Variants in NOL9 observed in about 807,000 individuals in gnomAD.
NOL9 encodes polynucleotide 5'-hydroxyl-kinase NOL9.
In NOL9, 28 loss-of-function variants were observed where a neutral mutation model predicts 67.9. That is an observed-to-expected ratio of 0.41 (90% confidence interval 0.31 to 0.57). The LOEUF (loss-of-function observed/expected upper bound fraction) is 0.57, where lower values mean the gene tolerates loss of function less well. Ranked by LOEUF, NOL9 falls within the 20% of genes least tolerant of loss-of-function variation. The probability of loss-of-function intolerance (pLI) is 0.25; values close to 1 mark genes in which losing one functional copy is unlikely to be tolerated. For missense variants in NOL9, 777 were observed against 897.0 expected (o/e 0.87, Z 1.71); for synonymous variants, 356 against 352.2 (o/e 1.01, Z -0.12).
chr1:6,544,114 T>C (rs956114408), intron 5 of NOL9, among the ~76,000 whole-genome samples: 2 of 151,754 alleles, frequency 1.3e-5, no homozygotes, highest in African/African-American at 4.8e-5. Context: ...TGAGTGAAAC[T>C]CTGTCTCAAA....
At chr1:6,551,240 G>A (rs1639537491) in intron 1 of NOL9, among the ~76,000 whole-genome samples, 1 of 152,076 alleles carries the variant, frequency 6.6e-6, no homozygotes. Flanking sequence ...GAGTCTCGGA[G>A]GTAGAGGCTG....
intron 3 of NOL9, among the ~76,000 whole-genome samples, chr1:6,545,631 G>C (rs1570076660): frequency 1.3e-5 from 2 of 152,208 alleles, no homozygotes; most frequent in African/African-American, 2.4e-5. Flanking sequence ...CCCAAGGAAA[G>C]GAAGAGCAGG....
chr1:6,553,918 G>A (rs1344097452), intron 1 of NOL9, among the ~76,000 whole-genome samples, 189 bp downstream of exon 1: 2 of 152,126 alleles, frequency 1.3e-5, no homozygotes, highest in Non-Finnish European at 2.9e-5. Flanking sequence ...CCCTTAGCAG[G>A]GTACCTGTTA....
At chr1:6,527,639 C>CAA (rs796666090) in intron 10 of NOL9, among the ~76,000 whole-genome samples, 104 of 28,610 alleles carry the variant, frequency 3.6e-3, no homozygotes, top group African/African-American at 7.0e-3. Flanking sequence ...CAAAACAAAA[C>CAA]AAAAAAAAAA....
intron 1 of NOL9, among the ~76,000 whole-genome samples, chr1:6,551,878 C>CA (rs1214920145): frequency 6.6e-6 from 1 of 151,982 alleles, no homozygotes; most frequent in Non-Finnish European, 1.5e-5. Flanking sequence ...AAAAAAAATA[C>CA]AAAAAACTTA....
chr1:6,541,915 A>C lies in NOL9; in HGVS notation c.990T>G (p.Val330=), dbSNP rs375680795. The change falls in exon 6 of 12, where the codon GTT becomes GTG. Residue 330 remains valine (V), a synonymous_variant. Transcript: ENST00000377705. ...GTCCCAGATCACATTCCAAATAGTCAACGCAGGGAAGACTGCAAATTTTTA... is the reference window on the plus strand; with the variant it reads ...GTCCCAGATCACATTCCAAATAGTCCACGCAGGGAAGACTGCAAATTTTTA... ...INHLLNSLPC[V]DYLECDLGQT... The C allele has an allele frequency of 6.3e-7, 1 of 1,592,732 alleles. No homozygotes were observed. Among genetic ancestry groups the C allele is most frequent in the Non-Finnish European group, 8.5e-7 (1 of 1,172,570 alleles).
chr1:6,553,710 C>T (rs1413835976), intron 1 of NOL9, among the ~76,000 whole-genome samples: 1 of 152,002 alleles, frequency 6.6e-6, no homozygotes, highest in African/African-American at 2.4e-5. Flanking sequence ...GGCGAGGTGG[C>T]ACGCGCCTGT....
intron 6 of NOL9, among the ~76,000 whole-genome samples, chr1:6,536,557 G>A (rs962383650): frequency 1.3e-5 from 2 of 151,960 alleles, no homozygotes. Context: ...GCCAGGTGCA[G>A]TGGCTCACAC....
chr1:6,529,033 G>A lies in NOL9; in HGVS notation c.1786C>T (p.Leu596=). 1 of 1,614,136 alleles carries A rather than the reference G, an allele frequency of 6.2e-7. No individual in the cohort carries two copies. Residue 596 remains leucine (L), a synonymous_variant, in exon 10 of 12, where the codon CTG becomes TTG. Transcript: ENST00000377705. ...TCACAGATTGGAGTCTGGGCAAGCA[G>A]GATGGGCCCATTCGTGTATCCTCTG... The part of the protein sequence containing the change: ...DVRGYTNGPI[L]LAQTPICDCL...
chr1:6,537,970 C>T (rs1269672912), intron 6 of NOL9, among the ~76,000 whole-genome samples: 4 of 96,948 alleles, frequency 4.1e-5, no homozygotes, highest in Admixed American at 3.4e-4. Context: ...CCAGCCTGGG[C>T]GACAAAGCAA....
At position 6,526,691 on chromosome 1, in the gene NOL9, C is replaced by A; in HGVS notation, c.1959+5G>T. The A allele has an allele frequency of 6.2e-7, 1 of 1,608,942 alleles. No individual in the cohort carries two copies. The highest frequency in any genetic ancestry group is 1.1e-5 in the South Asian group (1 of 90,246). ...TTCCAGGGCTGTGCCCGGGGGAAGG[C>A]TCACCTGGCACTTAAGGACACAATG... On this transcript the variant is annotated splice_donor_5th_base_variant and intron_variant, in intron 11 of 11. Transcript: ENST00000377705.
intron 6 of NOL9, among the ~76,000 whole-genome samples, chr1:6,535,838 GA>G (rs1639140520): frequency 1.3e-5 from 2 of 151,192 alleles, no homozygotes; most frequent in South Asian, 4.2e-4. Context: ...TGAGGCAGGT[GA>G]ATTGCTTGAA....
chr1:6,548,440 C>G (rs1245308648), intron 3 of NOL9: 1 of 224,160 alleles, frequency 4.5e-6, no homozygotes, highest in Non-Finnish European at 9.3e-6. Flanking sequence ...AGCCACCACG[C>G]CCCGCCAAGA....
Position 6,554,498 on chromosome 1 carries a change from G to C in NOL9, c.5C>G (p.Ala2Gly), listed in dbSNP as rs200300475. 2.0e-6 allele frequency: 3 copies of C among 1,536,244 alleles called. No homozygotes were observed. The highest frequency in any genetic ancestry group is 2.8e-5 in the African/African-American group (2 of 70,260). Residue 2 changes from alanine (A) to glycine (G), a missense_variant, in exon 1 of 12, where the codon GCG becomes GGG. Transcript: ENST00000377705. M[A>G]DSGLLLKRGS... ...CCGCTTTAGCAGCAGTCCCGAGTCC[G>C]CCATGCTGGGTCCTCAGGGCCTACC... is the stretch of plus-strand genomic sequence containing the variant.
chr1:6,547,346 C>T (rs1426916233), intron 3 of NOL9, among the ~76,000 whole-genome samples: 1 of 152,066 alleles, frequency 6.6e-6, no homozygotes, highest in Non-Finnish European at 1.5e-5. Context: ...TGCAGTGACC[C>T]CATCCCAGTT....
At position 6,554,166 on chromosome 1, in the gene NOL9, T is replaced by G; in HGVS notation, c.337A>C (p.Ile113Leu). ...GGGCCCACGGGCCGCACCGGTGGGATGAGGAGAGGCCGGTGGCAACTCGAG... is the reference window on the plus strand; with the variant it reads ...GGGCCCACGGGCCGCACCGGTGGGAGGAGGAGAGGCCGGTGGCAACTCGAG... ...SASSCHRPLL[I>L]PPVRPVGPGR... The change falls in exon 1 of 12, where the codon ATC (isoleucine) becomes CTC (leucine). Residue 113 changes from isoleucine to leucine, a missense_variant. Transcript: ENST00000377705. 1 of 1,528,634 alleles carries G rather than the reference T, an allele frequency of 6.5e-7. No homozygotes were observed. Among genetic ancestry groups the G allele is most frequent in the Non-Finnish European group, 8.8e-7 (1 of 1,137,378 alleles). The allele number at this position is 1,528,634 out of a possible 1,614,324, so 94.7% of individuals were successfully genotyped here.
chr1:6,534,118 C>T (rs1639096252), intron 6 of NOL9, among the ~76,000 whole-genome samples: 1 of 152,054 alleles, frequency 6.6e-6, no homozygotes, highest in African/African-American at 2.4e-5. Context: ...AACTCCCAAC[C>T]TCAGGTGATC....
intron 6 of NOL9, among the ~76,000 whole-genome samples, chr1:6,534,501 G>A (rs12046884): frequency 0.15 from 22,968 of 152,094 alleles, 2,094 homozygotes; most frequent in African/African-American, 0.25. Context: ...CCACTCAACC[G>A]TCAGAGTGGC....
chr1:6,545,516 G>A (rs549840669), intron 3 of NOL9, among the ~76,000 whole-genome samples: 2 of 152,318 alleles, frequency 1.3e-5, no homozygotes, highest in Admixed American at 1.3e-4. Flanking sequence ...TCAAGTCAAG[G>A]CAACCTCTGA....
Sources: gnomAD v4.1 joint callset for allele counts (sites outside exome capture counted in the v4.1 genomes callset) on GRCh38, gnomAD v4.1.1 for gene constraint, MANE v1.5 for transcripts, NCBI Gene and HGNC (gene_info 2026-07-23, HGNC 2026-07-21) for gene names.